The following FDX1 variants were observed in gnomAD, a reference collection of about 807,000 sequenced individuals.
The protein encoded by FDX1 is adrenodoxin, mitochondrial.
FDX1 carries 9 observed loss-of-function variants against 14.9 expected under a neutral mutation model. The ratio of observed to expected loss-of-function variants is 0.60; its 90% CI spans 0.36 to 1.05. The LOEUF is 1.05. FDX1 is among the 50% of genes least tolerant of loss of function. FDX1 has a pLI of 0.01. For synonymous variants in FDX1, 92 were observed against 99.4 expected, an observed-to-expected ratio of 0.93 and a Z score of 0.44; for missense variants, 204 against 237.2, an observed-to-expected ratio of 0.86 and a Z score of 0.92.
chr11:110,439,874 T>C (rs1259524721), intron 2 of FDX1, among the ~76,000 whole-genome samples: 1 of 152,206 alleles, frequency 6.6e-6, no homozygotes, highest in African/African-American at 2.4e-5. Flanking sequence ...GGTAGGGGTC[T>C]AGTTTCATTT....
intron 1 of FDX1, among the ~76,000 whole-genome samples, chr11:110,433,004 T>C (rs1297630842): frequency 6.6e-6 from 1 of 152,250 alleles, no homozygotes; most frequent in East Asian, 1.9e-4. Flanking sequence ...CTACTATGTG[T>C]TACGTATTTT....
chr11:110,438,000 GTGTATTACATTT>G (rs1291236312), intron 2 of FDX1, among the ~76,000 whole-genome samples: 1 of 152,210 alleles, frequency 6.6e-6, no homozygotes, highest in Non-Finnish European at 1.5e-5. Flanking sequence ...CGTGGTATAT[GTGTATTACATTT>G]TCTTTATCCA....
At chr11:110,460,227 A>G (rs114211952) in intron 3 of FDX1, among the ~76,000 whole-genome samples, 1,728 of 152,022 alleles carry the variant, frequency 0.011, 30 homozygotes, top group African/African-American at 0.039. Flanking sequence ...TTTTTTTTCT[A>G]TTAGTAATCA....
intron 3 of FDX1, 129 bp downstream of exon 3, chr11:110,457,176 T>G: frequency 1.3e-6 from 1 of 765,850 alleles, no homozygotes; most frequent in Non-Finnish European, 2.0e-6. Flanking sequence ...GTCACAGATT[T>G]TGAGTATCAG....
chr11:110,462,531 A>G lies in FDX1; in HGVS notation c.*63A>G, dbSNP rs1305174521. 1.0e-6 allele frequency: 1 copy of G among 971,194 alleles called. No individual in the cohort carries two copies. Among genetic ancestry groups the G allele is most frequent in the African/African-American group, 1.6e-5 (1 of 61,522 alleles). 60.2% of individuals were successfully genotyped at this position (971,194 alleles called of 1,614,324 possible). A position where few individuals can be genotyped will look rare whatever the true frequency, so the allele number is the denominator to read the frequency against. On this transcript the variant is annotated 3_prime_UTR_variant, in exon 4 of 4. Transcript: ENST00000260270. ...TATTTTTATAATTATTATTTCTTAA[A>G]GTGATTAAATGAGAACATGGATGAG...
intron 2 of FDX1, among the ~76,000 whole-genome samples, chr11:110,437,520 T>G (rs1946378053): frequency 6.6e-6 from 1 of 152,204 alleles, no homozygotes; most frequent in Admixed American, 6.5e-5. Context: ...CAAGATGGTA[T>G]ATCTCATTGT....
intron 2 of FDX1, among the ~76,000 whole-genome samples, chr11:110,453,781 A>G (rs1946502465): frequency 6.6e-6 from 1 of 152,180 alleles, no homozygotes; most frequent in African/African-American, 2.4e-5. Context: ...AGAATAGTTC[A>G]TAAGTGCTAT....
chr11:110,444,743 T>TATATATAC lies in FDX1; in HGVS notation c.310+8786_310+8787insTATATACA, dbSNP rs1369789746. On this transcript the variant is annotated intron_variant, in intron 2 of 3. Coordinates refer to ENST00000260270, the MANE Select transcript of FDX1 (RefSeq NM_004109.5). ...ATATACGTATATATATATATATATA[T>TATATATAC]ACACGTATATATATATATATATATT... Among the ~76,000 whole-genome samples, 120 of 44,730 alleles carry TATATATAC rather than the reference T, an allele frequency of 2.7e-3. 7 individuals are homozygous for TATATATAC. The highest frequency in any genetic ancestry group is 0.011 in the African/African-American group (118 of 10,292). The allele number at this position is 44,730 out of a possible 152,430, so 29.3% of individuals were successfully genotyped here.
intron 2 of FDX1, among the ~76,000 whole-genome samples, chr11:110,452,310 A>T (rs1946491685): frequency 6.6e-6 from 1 of 152,158 alleles, no homozygotes; most frequent in African/African-American, 2.4e-5. Context: ...CAAACTACAG[A>T]CTGGGAGAAA....
intron 2 of FDX1, among the ~76,000 whole-genome samples, chr11:110,454,000 A>G (rs1946504369): frequency 6.6e-6 from 1 of 152,198 alleles, no homozygotes; most frequent in Non-Finnish European, 1.5e-5. Context: ...TTTTGGCAGA[A>G]AAGGTTCGAA....
intron 3 of FDX1, among the ~76,000 whole-genome samples, chr11:110,461,612 A>G (rs908436338): frequency 2.0e-5 from 3 of 151,806 alleles, no homozygotes; most frequent in Non-Finnish European, 4.4e-5. Flanking sequence ...TTAATTCCAA[A>G]TTTACACCCT....
At chr11:110,442,443 C>A (rs1186794417) in intron 2 of FDX1, among the ~76,000 whole-genome samples, 2 of 152,234 alleles carry the variant, frequency 1.3e-5, no homozygotes, top group Non-Finnish European at 2.9e-5. Context: ...CCATGGGAAC[C>A]CAGCTCTTGC....
At chr11:110,434,970 G>C (rs902031374) in intron 1 of FDX1, among the ~76,000 whole-genome samples, 2 of 151,722 alleles carry the variant, frequency 1.3e-5, no homozygotes. Flanking sequence ...GCTCAGGCTG[G>C]TCTCAAACTC....
intron 2 of FDX1, among the ~76,000 whole-genome samples, chr11:110,446,686 A>G (rs1223417420): frequency 6.6e-6 from 1 of 152,126 alleles, no homozygotes; most frequent in Non-Finnish European, 1.5e-5. Flanking sequence ...CCTGACATCC[A>G]GTCCATCGGC....
intron 1 of FDX1, among the ~76,000 whole-genome samples, chr11:110,431,469 C>T (rs929003453): frequency 8.1e-4 from 123 of 152,024 alleles, no homozygotes; most frequent in Non-Finnish European, 9.6e-4. Flanking sequence ...TCATCTTTTC[C>T]CCACTAATCC....
chr11:110,434,608 C>T (rs1407760667), intron 1 of FDX1, among the ~76,000 whole-genome samples: 1 of 151,986 alleles, frequency 6.6e-6, no homozygotes, highest in Non-Finnish European at 1.5e-5. Context: ...GTTGGAATTA[C>T]AGGCGTGAGT....
At position 110,457,749 on chromosome 11, in the gene FDX1, G is replaced by GGTA. The variant is rs1946531261; in HGVS notation, c.440+702_440+703insGTA. ...GACAAATAATTTTTTAAAAATTAAAGATAGTAATAATAGTTTTATTTCATG... is the reference window on the plus strand; with the variant it reads ...GACAAATAATTTTTTAAAAATTAAAGGTAATAGTAATAATAGTTTTATTTCATG... On this transcript the variant is annotated intron_variant, in intron 3 of 3. Coordinates refer to ENST00000260270, the MANE Select transcript of FDX1 (RefSeq NM_004109.5). 4.0e-5 allele frequency among the ~76,000 whole-genome samples: 6 copies of GGTA among 151,738 alleles called. No individual in the cohort carries two copies. The South Asian group carries it at 1.2e-3, about 31-fold the overall frequency.
chr11:110,453,558 G>GTT (rs796698885), intron 2 of FDX1, among the ~76,000 whole-genome samples: 4 of 142,196 alleles, frequency 2.8e-5, no homozygotes, highest in African/African-American at 1.0e-4. Context: ...ATTTTTGCAG[G>GTT]TTTTTTTTTT....
At chr11:110,446,214 A>G (rs930028948) in intron 2 of FDX1, among the ~76,000 whole-genome samples, 2 of 152,196 alleles carry the variant, frequency 1.3e-5, no homozygotes. Context: ...GAAGGGTGCA[A>G]TGTTATCATT....
Sources: gnomAD v4.1 joint callset for allele counts (sites outside exome capture counted in the v4.1 genomes callset) on GRCh38, gnomAD v4.1.1 for gene constraint, MANE v1.5 for transcripts, NCBI Gene and HGNC (gene_info 2026-07-23, HGNC 2026-07-21) for gene names.